MTA1: variants seen among roughly 807,000 people sequenced by gnomAD.
MTA1 encodes the protein metastasis-associated protein MTA1.
A neutral mutation model predicts 97.0 loss-of-function variants in MTA1; 15 were observed. That is an observed-to-expected ratio of 0.15 (90% CI 0.10 to 0.24). MTA1 has a LOEUF of 0.24. MTA1 is among the 10% of genes least tolerant of loss of function. The pLI, the probability that MTA1 is intolerant of heterozygous loss-of-function variation, is 1.00. For synonymous variants in MTA1, 435 were observed against 417.5 expected (o/e 1.04, Z -0.51); for missense variants, 709 against 1,015.1 (o/e 0.70, Z 4.10).
At chr14:105,444,790 T>TAAA (rs201104877) in intron 2 of MTA1, among the ~76,000 whole-genome samples, 3 of 123,848 alleles carry the variant, frequency 2.4e-5, no homozygotes, top group African/African-American at 1.0e-4. Context: ...GACCCCATCT[T>TAAA]AAAAAAAAAA....
At chr14:105,466,634 C>T (rs1054622062) in intron 17 of MTA1, 56 bp downstream of exon 17, 82 of 1,576,222 alleles carry the variant, frequency 5.2e-5, no homozygotes, top group East Asian at 7.0e-5. Context: ...GAGTCCGGCC[C>T]GTCCCCGCCC....
Position 105,466,426 on chromosome 14 carries a change from A to G in MTA1, c.1625A>G (p.Glu542Gly). 9.4e-6 allele frequency: 14 copies of G among 1,483,974 alleles called. No homozygotes were observed. The highest frequency in any genetic ancestry group is 1.3e-5 in the Non-Finnish European group (14 of 1,071,128). 91.9% of individuals were successfully genotyped at this position (1,483,974 alleles called of 1,614,324 possible). ...KPLEAVLRYLETHPRPPKPDP... is the reference protein window; with the variant it reads ...KPLEAVLRYLGTHPRPPKPDP... The stretch of plus-strand genomic sequence containing the variant: ...GTTCTGCCTGTGTCATTCCCGGCAG[A>G]GACCCACCCCCGCCCCCCCAAGCCT... The change falls in exon 17 of 21, where the codon GAG (glutamate) becomes GGG (glycine). Residue 542 changes from glutamate to glycine, a missense_variant and splice_region_variant. By Grantham distance (98) the Glu-to-Gly change is moderately conservative. Around this residue, in one of 2 missense-constraint regions of MTA1, gnomAD observed 388 missense variants for 421.6 expected, o/e 0.92. Coordinates refer to ENST00000331320, the MANE Select transcript of MTA1 (RefSeq NM_004689.4).
intron 18 of MTA1, chr14:105,467,002 G>A (rs1310491929): frequency 1.2e-5 from 7 of 560,616 alleles, no homozygotes; most frequent in Admixed American, 3.4e-5. Context: ...TGGCCCTGGC[G>A]CCCCTGCCTG....
In MTA1 at chr14:105,463,925, G is replaced by A; in HGVS notation, c.1077-107G>A. ...CCCTGCCGAGGCCGAGGGGTGCGAG[G>A]ACGTGGTTCTGGACAAGGGGTGGTC... On this transcript the variant is annotated intron_variant, in intron 12 of 20. Transcript: ENST00000331320. This position sits in a 1 kb window ranked among gnomAD's most constrained non-coding sequence, Gnocchi z 5.9. 1 of 1,029,840 alleles carries A rather than the reference G, an allele frequency of 9.7e-7. No individual in the cohort carries two copies. The highest frequency in any genetic ancestry group is 1.3e-5 in the South Asian group (1 of 77,062). 63.8% of individuals were successfully genotyped at this position (1,029,840 alleles called of 1,614,324 possible).
intron 1 of MTA1, among the ~76,000 whole-genome samples, chr14:105,425,992 G>T (rs2082000203): frequency 6.6e-6 from 1 of 152,124 alleles, no homozygotes; most frequent in Non-Finnish European, 1.5e-5. Flanking sequence ...CCTGGGGCGG[G>T]CCTCAGCACT....
intron 10 of MTA1, among the ~76,000 whole-genome samples, chr14:105,461,921 G>A (rs1429711198): frequency 3.9e-5 from 6 of 152,344 alleles, no homozygotes; most frequent in African/African-American, 1.4e-4. Flanking sequence ...AAACCAAGAT[G>A]AGCAGAACAT....
At chr14:105,458,156 C>T in intron 7 of MTA1, 114 bp from the exon 8 acceptor site, 1 of 798,996 alleles carries the variant, frequency 1.3e-6, no homozygotes, top group Non-Finnish European at 2.1e-6. Flanking sequence ...ACCTATGGGG[C>T]CCTGCAGCCC....
chr14:105,441,302 C>T lies in MTA1; in HGVS notation c.96+2563C>T, dbSNP rs587600445. ...GCCTCCTTGGCTCCCAGGACCCTAG[C>T]GGCCAGACTTCTAAAGCCCACAGAC... On this transcript the variant is annotated intron_variant, in intron 2 of 20. Transcript: ENST00000331320. Among the ~76,000 whole-genome samples the T allele has an allele frequency of 9.2e-5, 14 of 152,286 alleles. No homozygotes were observed. The South Asian group carries it at 1.9e-3, about 20-fold the overall frequency.
chr14:105,431,800 A>G (rs1231916727), intron 1 of MTA1, among the ~76,000 whole-genome samples: 1 of 151,842 alleles, frequency 6.6e-6, no homozygotes, highest in Non-Finnish European at 1.5e-5. Flanking sequence ...TATTTTTTGT[A>G]TCTTTAGTAG....
intron 16 of MTA1, 91 bp from the exon 17 acceptor site, chr14:105,466,335 A>G (rs2083582115): frequency 3.4e-6 from 4 of 1,179,604 alleles, no homozygotes; most frequent in Non-Finnish European, 3.7e-6. Context: ...TCCTGGGGGT[A>G]TCCCGGAACC....
intron 1 of MTA1, among the ~76,000 whole-genome samples, chr14:105,427,392 G>C (rs587593651): frequency 2.0e-5 from 3 of 152,332 alleles, no homozygotes; most frequent in Admixed American, 1.3e-4. Flanking sequence ...GATGCCCCTG[G>C]GGGAGGTGCC....
At chr14:105,467,593 G>A (rs2083650006) in intron 18 of MTA1, 2 of 425,580 alleles carry the variant, frequency 4.7e-6, no homozygotes, top group Admixed American at 2.5e-5. Context: ...GTCTGGACAC[G>A]CACCCCTGGC....
chr14:105,425,456 T>G (rs929874528), intron 1 of MTA1, among the ~76,000 whole-genome samples: 10 of 152,122 alleles, frequency 6.6e-5, no homozygotes, highest in Admixed American at 2.6e-4. Context: ...TAAGATTTTT[T>G]ATAGAGGCGG....
At chr14:105,436,691 CTTGT>C (rs1718362986) in intron 1 of MTA1, among the ~76,000 whole-genome samples, 1 of 152,184 alleles carries the variant, frequency 6.6e-6, no homozygotes, top group Non-Finnish European at 1.5e-5. Context: ...TGGACCCCAG[CTTGT>C]TTGTCTTTCC....
In MTA1 at chr14:105,424,715, C is replaced by T. The variant is rs1219758131; in HGVS notation, c.28+4652C>T. Among the ~76,000 whole-genome samples the T allele has an allele frequency of 2.0e-5, 3 of 151,934 alleles. No homozygotes were observed. Among genetic ancestry groups the T allele is most frequent in the African/African-American group, 7.3e-5 (3 of 41,358 alleles). On this transcript the variant is annotated intron_variant, in intron 1 of 20. Coordinates refer to ENST00000331320, the MANE Select transcript of MTA1 (RefSeq NM_004689.4). The surrounding 1 kb of genome is among the most constrained non-coding windows in gnomAD (Gnocchi z 4.0). ...TTCACCATCTAGGCCAGGCTGGTCT[C>T]GAACTCCTGACCTCAAGTGATCCAC...
intron 2 of MTA1, among the ~76,000 whole-genome samples, chr14:105,445,053 G>A (rs1477153720): frequency 6.6e-6 from 1 of 152,192 alleles, no homozygotes; most frequent in East Asian, 1.9e-4. Flanking sequence ...ACCCCAGAGG[G>A]GCTGGGATAG....
intron 1 of MTA1, among the ~76,000 whole-genome samples, chr14:105,430,117 G>T (rs990916481): frequency 6.6e-6 from 1 of 152,132 alleles, no homozygotes; most frequent in Non-Finnish European, 1.5e-5. Flanking sequence ...CCTGCTTGGC[G>T]CTGAAGACCA....
At chr14:105,452,731 C>T (rs2082991805) in intron 6 of MTA1, among the ~76,000 whole-genome samples, 1 of 152,236 alleles carries the variant, frequency 6.6e-6, no homozygotes, top group Non-Finnish European at 1.5e-5. Context: ...CTGAGGCTGG[C>T]AGCTGGCCTC....
chr14:105,443,117 A>G (rs587717494), intron 2 of MTA1, among the ~76,000 whole-genome samples: 1 of 152,294 alleles, frequency 6.6e-6, no homozygotes, highest in Non-Finnish European at 1.5e-5. Flanking sequence ...CCTGTCAGGG[A>G]CACAGGAGCC....
Sources: allele counts gnomAD v4.1 joint callset (sites outside exome capture counted in the v4.1 genomes callset), GRCh38; gene constraint gnomAD v4.1.1; regional missense constraint gnomAD v4.1.1; non-coding constraint Gnocchi (gnomAD v3.1); transcripts MANE v1.5; gene names NCBI Gene and HGNC (gene_info 2026-07-23, HGNC 2026-07-21).